The following CCDC178 variants were observed in gnomAD, a reference collection of about 807,000 sequenced individuals.
CCDC178 encodes the protein coiled-coil domain-containing protein 178.
In CCDC178, 126 loss-of-function variants were observed where a neutral mutation model predicts 117.4. The ratio of observed to expected loss-of-function variants is 1.07; its 90% CI spans 0.93 to 1.24. The LOEUF (loss-of-function observed/expected upper bound fraction) is 1.24. CCDC178 is among the 50% of genes most tolerant of loss of function. The probability of loss-of-function intolerance (pLI) is 0.00; values close to 1 mark genes in which losing one functional copy is unlikely to be tolerated. For missense variants in CCDC178, 1,030 were observed against 986.9 expected (o/e 1.04, Z -0.59); for synonymous variants, 283 against 313.4 (o/e 0.90, Z 1.02).
intron 2 of CCDC178, among the ~76,000 whole-genome samples, chr18:33,417,534 AT>A (rs2063961876): frequency 2.2e-4 from 10 of 45,290 alleles, no homozygotes; most frequent in Admixed American, 5.8e-4. Context: ...ACAGAGCTGT[AT>A]ACACACACAC....
At position 33,243,315 on chromosome 18, in the gene CCDC178, A is replaced by G. The variant is rs544476260; in HGVS notation, c.1593+1930T>C. Among the ~76,000 whole-genome samples the G allele has an allele frequency of 8.1e-4, 123 of 151,922 alleles. 1 individual carries two copies. The highest frequency in any genetic ancestry group is 2.9e-3 in the African/African-American group (119 of 41,524). ...GCTAAATGATGGCTAGATAGAAGGAATAAGTTCTCGTGTTCCATACCACTG... is the reference window on the plus strand; with the variant it reads ...GCTAAATGATGGCTAGATAGAAGGAGTAAGTTCTCGTGTTCCATACCACTG... On this transcript the variant is annotated intron_variant, in intron 15 of 22. Coordinates refer to ENST00000383096, the MANE Select transcript of CCDC178 (RefSeq NM_001105528.4).
intron 5 of CCDC178, among the ~76,000 whole-genome samples, chr18:33,370,478 G>GCATTGT (rs1244567634): frequency 1.3e-5 from 2 of 151,382 alleles, no homozygotes; most frequent in Non-Finnish European, 3.0e-5. Context: ...ACTAAACATA[G>GCATTGT]GAAAAAATGA....
At chr18:33,108,845 C>T (rs2057741545) in intron 20 of CCDC178, among the ~76,000 whole-genome samples, 1 of 151,528 alleles carries the variant, frequency 6.6e-6, no homozygotes, top group South Asian at 2.1e-4. Context: ...AGAATTCAAG[C>T]TATAATTTAA....
chr18:32,973,357 C>A (rs181016576), intron 22 of CCDC178, among the ~76,000 whole-genome samples: 22 of 152,140 alleles, frequency 1.4e-4, no homozygotes, highest in Admixed American at 8.5e-4. Flanking sequence ...CAGGTTCCAG[C>A]CACAATATAA....
chr18:33,386,138 G>C (rs544765388), intron 5 of CCDC178, among the ~76,000 whole-genome samples: 18 of 152,172 alleles, frequency 1.2e-4, no homozygotes, highest in Admixed American at 4.6e-4. Context: ...ACCCTCCCAG[G>C]TCGGGGGGTG....
intron 21 of CCDC178, among the ~76,000 whole-genome samples, chr18:33,004,139 A>G (rs2055701649): frequency 6.6e-6 from 1 of 152,150 alleles, no homozygotes; most frequent in African/African-American, 2.4e-5. Flanking sequence ...CTATCAACAT[A>G]CGAATGACAT....
intron 20 of CCDC178, among the ~76,000 whole-genome samples, chr18:33,167,223 T>C (rs1335115667): frequency 1.3e-5 from 2 of 152,204 alleles, no homozygotes; most frequent in Non-Finnish European, 2.9e-5. Flanking sequence ...CTATTGTTAA[T>C]AGTGCTGCAA....
At chr18:33,365,753 T>C (rs2063195583) in intron 6 of CCDC178, among the ~76,000 whole-genome samples, 1 of 152,030 alleles carries the variant, frequency 6.6e-6, no homozygotes, top group South Asian at 2.1e-4. Context: ...AAGAGGAAAA[T>C]TTTAATTCTG....
At chr18:32,960,869 C>A (rs770442107) in intron 22 of CCDC178, among the ~76,000 whole-genome samples, 1 of 151,994 alleles carries the variant, frequency 6.6e-6, no homozygotes, top group Non-Finnish European at 1.5e-5. Context: ...TACAAGTGTG[C>A]AATTTAATTT....
At chr18:33,335,156 CCTT>C (rs1169768044) in intron 9 of CCDC178, among the ~76,000 whole-genome samples, 1 of 151,604 alleles carries the variant, frequency 6.6e-6, no homozygotes, top group Non-Finnish European at 1.5e-5. Flanking sequence ...TTGGGTTTCT[CCTT>C]CTTTCTTTGT....
Position 33,324,376 on chromosome 18 carries a change from C to A in CCDC178, c.880-743G>T, listed in dbSNP as rs142851407. ...TGAAGAACCATGTAAGGAAATTGCA[C>A]AATCTATAGTTATACTGCAGGTTCT... On this transcript the variant is annotated intron_variant, in intron 10 of 22. Transcript: ENST00000383096. Among the ~76,000 whole-genome samples, 270 of 152,010 alleles carry A rather than the reference C, an allele frequency of 1.8e-3. 2 individuals are homozygous for A. Among genetic ancestry groups the A allele is most frequent in the African/African-American group, 6.1e-3 (254 of 41,552 alleles).
At chr18:33,245,163 A>C (rs2059533364) in intron 15 of CCDC178, 82 bp downstream of exon 15, 13 of 1,240,022 alleles carry the variant, frequency 1.0e-5, no homozygotes, top group Non-Finnish European at 1.3e-5. Context: ...ATTAAAATCT[A>C]ATTATCAAGA....
At chr18:33,254,675 G>C (rs535651059) in intron 14 of CCDC178, among the ~76,000 whole-genome samples, 8 of 152,090 alleles carry the variant, frequency 5.3e-5, no homozygotes, top group African/African-American at 1.9e-4. Context: ...TATACAAAGG[G>C]TGAATTAATC....
chr18:33,030,821 G>T (rs1005322652), intron 21 of CCDC178, among the ~76,000 whole-genome samples: 2 of 152,138 alleles, frequency 1.3e-5, no homozygotes, highest in Non-Finnish European at 2.9e-5. Flanking sequence ...ATGAGAGAGA[G>T]AATTTAATAG....
chr18:33,283,162 G>C (rs945035255), intron 12 of CCDC178, among the ~76,000 whole-genome samples: 3 of 152,142 alleles, frequency 2.0e-5, no homozygotes, highest in Non-Finnish European at 4.4e-5. Flanking sequence ...CAAGAACAAA[G>C]TCAGGGCCCA....
chr18:33,077,517 A>C (rs560463055), intron 21 of CCDC178, among the ~76,000 whole-genome samples: 1 of 152,264 alleles, frequency 6.6e-6, no homozygotes, highest in South Asian at 2.1e-4. Flanking sequence ...AAATAATAAT[A>C]TAGATAGGCC....
At chr18:33,432,886 G>T (rs2064240585) in intron 2 of CCDC178, among the ~76,000 whole-genome samples, 1 of 152,072 alleles carries the variant, frequency 6.6e-6, no homozygotes, top group Non-Finnish European at 1.5e-5. Context: ...GATTAATGTG[G>T]TATTAAGGCA....
At chr18:33,292,648 T>C (rs2060182294) in intron 12 of CCDC178, among the ~76,000 whole-genome samples, 1 of 152,040 alleles carries the variant, frequency 6.6e-6, no homozygotes, top group Non-Finnish European at 1.5e-5. Flanking sequence ...TTACACATTG[T>C]ATACAGGTAT....
At chr18:33,030,770 CAGAT>C (rs2056325665) in intron 21 of CCDC178, among the ~76,000 whole-genome samples, 2 of 151,406 alleles carry the variant, frequency 1.3e-5, no homozygotes, top group South Asian at 2.1e-4. Context: ...TGATAGATGA[CAGAT>C]AGATAAGAAG....
Sources: gnomAD v4.1 joint callset for allele counts (sites outside exome capture counted in the v4.1 genomes callset) on GRCh38, gnomAD v4.1.1 for gene constraint, MANE v1.5 for transcripts, NCBI Gene and HGNC (gene_info 2026-07-23, HGNC 2026-07-21) for gene names.